ASPRV1: variants seen among roughly 807,000 people sequenced by gnomAD.
ASPRV1 encodes retroviral-like aspartic protease 1.
Under a neutral mutation model 11.0 loss-of-function variants are expected in ASPRV1, and 7 were observed. The ratio of observed to expected loss-of-function variants is 0.64; its 90% CI spans 0.36 to 1.20. The LOEUF (loss-of-function observed/expected upper bound fraction) is 1.20, where lower values mean the gene tolerates loss of function less well. Ranked by LOEUF, ASPRV1 falls within the 50% of genes most tolerant of loss-of-function variation. The pLI is 0.02. For synonymous variants in ASPRV1, 136 were observed against 138.4 expected (o/e 0.98, Z 0.12); for missense variants, 299 against 320.0 (o/e 0.93, Z 0.50).
Position 69,960,585 on chromosome 2 carries a change from A to G in ASPRV1, c.*72T>C. The G allele has an allele frequency of 6.8e-7, 1 of 1,466,022 alleles. No homozygotes were observed. The highest frequency in any genetic ancestry group is 1.3e-5 in the South Asian group (1 of 79,756). 90.8% of individuals were successfully genotyped at this position (1,466,022 alleles called of 1,614,324 possible). A position where few individuals can be genotyped will look rare whatever the true frequency, so the allele number is the denominator to read the frequency against. On this transcript the variant is annotated 3_prime_UTR_variant, in exon 1 of 1. Coordinates refer to ENST00000320256, the MANE Select transcript of ASPRV1 (RefSeq NM_152792.4). ...CTGGCCAAGCCCAGTGACCCCCATG[A>G]GGATATGCAACCCCCCCCACAGCGG...
At chr2:69,959,520 T>G (rs996533114), downstream of ASPRV1, among the ~76,000 whole-genome samples, 3 of 152,084 alleles carry the variant, frequency 2.0e-5, no homozygotes, top group Non-Finnish European at 2.9e-5. Context: ...GATCTGGGAA[T>G]GTCCTCCCCT....
the ASPRV1 span, chr2:70,048,996 CA>C: frequency 6.6e-6 from 1 of 151,966 alleles, no homozygotes; most frequent in African/African-American, 2.4e-5. Context: ...ATCATATGTG[CA>C]AAGACCTTAT....
At chr2:70,063,309 C>T in the ASPRV1 span, among the ~76,000 whole-genome samples, 1 of 152,314 alleles carries the variant, frequency 6.6e-6, no homozygotes, top group African/African-American at 2.4e-5. Flanking sequence ...ACCTTCGGAT[C>T]CCACCATTCA....
At chr2:70,078,264 A>G in the ASPRV1 span, among the ~76,000 whole-genome samples, 6 of 152,340 alleles carry the variant, frequency 3.9e-5, no homozygotes, top group Non-Finnish European at 7.4e-5. Flanking sequence ...AACCATCATG[A>G]AATTTACATT....
chr2:70,014,569 G>A, the ASPRV1 span: 1 of 152,084 alleles, frequency 6.6e-6, no homozygotes, highest in African/African-American at 2.4e-5. Flanking sequence ...GGGAGGCTGA[G>A]GCAGACAAAT....
At chr2:70,073,803 C>A in the ASPRV1 span, among the ~76,000 whole-genome samples, 1 of 152,146 alleles carries the variant, frequency 6.6e-6, no homozygotes, top group African/African-American at 2.4e-5. Flanking sequence ...ATCCCTTGCC[C>A]TAGAATCTGG....
the ASPRV1 span, chr2:70,016,077 T>C: frequency 7.9e-5 from 12 of 152,240 alleles, no homozygotes; most frequent in Non-Finnish European, 5.9e-5. Context: ...CTAACAGACA[T>C]AAAGAACATT....
the ASPRV1 span, among the ~76,000 whole-genome samples, chr2:70,044,080 C>A: frequency 6.6e-6 from 1 of 152,150 alleles, no homozygotes; most frequent in South Asian, 2.1e-4. Context: ...CTCCCTATCC[C>A]TTCCTCAGTC....
At chr2:70,085,301 G>A in the ASPRV1 span, among the ~76,000 whole-genome samples, 2 of 152,106 alleles carry the variant, frequency 1.3e-5, no homozygotes, top group Non-Finnish European at 2.9e-5. Context: ...CTCTGGGCAG[G>A]CTGAATCACT....
chr2:70,031,233 T>C, the ASPRV1 span: 1 of 152,232 alleles, frequency 6.6e-6, no homozygotes, highest in Admixed American at 6.5e-5. Context: ...CATGTGATTC[T>C]CATGACAAAC....
the ASPRV1 span, chr2:69,994,118 T>G: frequency 6.6e-6 from 1 of 152,290 alleles, no homozygotes; most frequent in Non-Finnish European, 1.5e-5. Flanking sequence ...TTGAATCTAT[T>G]TCTCATGGTC....
the ASPRV1 span, among the ~76,000 whole-genome samples, chr2:69,952,267 C>G: frequency 6.6e-6 from 1 of 152,312 alleles, no homozygotes; most frequent in South Asian, 2.1e-4. Flanking sequence ...CAGTGGCTCA[C>G]TCCTGTAATC....
chr2:69,986,178 A>T, the ASPRV1 span, among the ~76,000 whole-genome samples: 1 of 152,220 alleles, frequency 6.6e-6, no homozygotes, highest in East Asian at 1.9e-4. Context: ...AAGGCGTCTA[A>T]TATGAATCCC....
At chr2:69,991,825 C>T in the ASPRV1 span, among the ~76,000 whole-genome samples, 6 of 152,096 alleles carry the variant, frequency 3.9e-5, no homozygotes, top group African/African-American at 1.4e-4. Context: ...GGATTACAGG[C>T]GTGAGCCACT....
At chr2:70,050,771 C>T in the ASPRV1 span, 1 of 152,008 alleles carries the variant, frequency 6.6e-6, no homozygotes, top group African/African-American at 2.4e-5. Context: ...CTGCAAGAAC[C>T]CATCTCTACA....
At chr2:70,067,437 T>C in the ASPRV1 span, among the ~76,000 whole-genome samples, 1 of 152,142 alleles carries the variant, frequency 6.6e-6, no homozygotes, top group Non-Finnish European at 1.5e-5. Flanking sequence ...AGATGGTAAC[T>C]GAAGCTGCCA....
At chr2:70,038,938 G>T in the ASPRV1 span, among the ~76,000 whole-genome samples, 1 of 152,084 alleles carries the variant, frequency 6.6e-6, no homozygotes, top group Non-Finnish European at 1.5e-5. Flanking sequence ...AATTAGCCAG[G>T]CATAGTGGCA....
At chr2:70,049,653 A>G in the ASPRV1 span, 6 of 152,222 alleles carry the variant, frequency 3.9e-5, no homozygotes, top group Non-Finnish European at 5.9e-5. Context: ...GGCCCTTCAA[A>G]GCAGTCCCCT....
chr2:69,937,532 C>T, the ASPRV1 span: 1 of 790,906 alleles, frequency 1.3e-6, no homozygotes, highest in Admixed American at 3.2e-5. Flanking sequence ...AACAGTGTGA[C>T]CTCCAGTGAC....
Sources: gnomAD v4.1 joint callset for allele counts (sites outside exome capture counted in the v4.1 genomes callset) on GRCh38, gnomAD v4.1.1 for gene constraint, MANE v1.5 for transcripts, NCBI Gene and HGNC (gene_info 2026-07-23, HGNC 2026-07-21) for gene names.